CHD9: variants seen among roughly 807,000 people sequenced by gnomAD.
CHD9 encodes ATP-dependent chromatin remodeler CHD9.
In CHD9, 77 loss-of-function variants were observed where a neutral mutation model predicts 316.1. The ratio of observed to expected loss-of-function variants is 0.24; its 90% CI spans 0.20 to 0.29. The LOEUF (loss-of-function observed/expected upper bound fraction) is 0.29, where lower values mean the gene tolerates loss of function less well. Among genes scored for constraint, CHD9 ranks in the 10% least tolerant of loss-of-function variants. The pLI is 1.00. For synonymous variants in CHD9, 1,129 were observed against 1,158.3 expected (o/e 0.97, Z 0.51); for missense variants, 2,763 against 3,438.1 (o/e 0.80, Z 4.91).
intron 1 of CHD9, among the ~76,000 whole-genome samples, chr16:53,072,393 C>G (rs1282739554): frequency 7.6e-6 from 1 of 131,064 alleles, no homozygotes; most frequent in Non-Finnish European, 1.6e-5. Flanking sequence ...AAATTTATCA[C>G]CATAACTTTT....
rs563098234 is a variant in CHD9, at chr16:53,327,493, C to T, written c.*2598C>T. The T allele has an allele frequency of 6.6e-6, 1 of 152,510 alleles. No individual in the cohort carries two copies. Among genetic ancestry groups the T allele is most frequent in the Non-Finnish European group, 1.5e-5 (1 of 67,970 alleles). 9.4% of individuals were successfully genotyped at this position (152,510 alleles called of 1,614,324 possible). ...ATTTTTTATTAAACATATTCTTTGA[C>T]TACCCATGATGTCAGCCTCTGTACA... On this transcript the variant is annotated 3_prime_UTR_variant, in exon 39 of 39. Transcript: ENST00000447540.
chr16:53,076,831 T>A (rs1015692043), intron 1 of CHD9, among the ~76,000 whole-genome samples: 10 of 81,118 alleles, frequency 1.2e-4, no homozygotes, highest in Admixed American at 2.8e-4. Flanking sequence ...ATTTAAAAAA[T>A]GTATTTATTT....
At chr16:53,121,879 ATT>A (rs2038756269) in intron 1 of CHD9, 1 of 152,696 alleles carries the variant, frequency 6.5e-6, no homozygotes, top group African/African-American at 2.4e-5. Context: ...TGTGGAGTTC[ATT>A]TTCACTTACT....
chr16:53,213,160 T>C (rs1387831282), intron 3 of CHD9, among the ~76,000 whole-genome samples: 1 of 152,224 alleles, frequency 6.6e-6, no homozygotes, highest in Admixed American at 6.5e-5. Context: ...TATTTTGACA[T>C]GACCATGCCT....
intron 20 of CHD9, among the ~76,000 whole-genome samples, chr16:53,266,847 TAA>T (rs1299478230): frequency 2.0e-5 from 3 of 152,226 alleles, no homozygotes; most frequent in Non-Finnish European, 2.9e-5. Flanking sequence ...AAAATATTCA[TAA>T]CCTTTGACCA....
At position 53,190,346 on chromosome 16, in the gene CHD9, A is replaced by G. The variant is rs557434158; in HGVS notation, c.1453-19136A>G. The stretch of plus-strand genomic sequence containing the variant: ...AAAAATTTTATAGTTTTGCTACCCA[A>G]TCCATTCAAGCTCATTTTCTGCTCG... On this transcript the variant is annotated intron_variant, in intron 2 of 38. Transcript: ENST00000447540. Among the ~76,000 whole-genome samples the G allele has an allele frequency of 8.5e-5, 13 of 152,188 alleles. No individual in the cohort carries two copies. The South Asian group carries it at 2.5e-3, about 29-fold the overall frequency.
At chr16:53,271,451 C>T (rs574954081) in intron 22 of CHD9, among the ~76,000 whole-genome samples, 3 of 152,056 alleles carry the variant, frequency 2.0e-5, no homozygotes, top group South Asian at 4.2e-4. Context: ...TGCCTGTAAT[C>T]CCAGCTACTT....
chr16:53,250,804 C>A, intron 17 of CHD9, among the ~76,000 whole-genome samples: 1 of 151,224 alleles, frequency 6.6e-6, no homozygotes. Context: ...AATTGCATTG[C>A]AATTCATATT....
rs764110577 is a variant in CHD9 at position 53,292,995 on chromosome 16, T to C, written c.5453T>C (p.Ile1818Thr). ...GTGCCTACCAGTGTAATGCAGCCTA[T>C]TTATGAGGAAGCCACTCTTAATCCT... ...FSVPTSVMQP[I>T]YEEATLNPKM... is the part of the protein sequence containing the mutation. Residue 1818 changes from isoleucine to threonine, a missense_variant, in exon 29 of 39, where the codon ATT becomes ACT. Around this residue, in one of 15 missense-constraint regions of CHD9, gnomAD observed 183 missense variants for 258.5 expected, o/e 0.71. Coordinates refer to ENST00000447540, the MANE Select transcript of CHD9 (RefSeq NM_001308319.2). The C allele has an allele frequency of 1.2e-6, 2 of 1,613,738 alleles. No individual in the cohort carries two copies. The highest frequency in any genetic ancestry group is 2.7e-5 in the African/African-American group (2 of 74,904).
At chr16:53,140,555 G>A (rs936548871) in intron 1 of CHD9, among the ~76,000 whole-genome samples, 3 of 152,160 alleles carry the variant, frequency 2.0e-5, no homozygotes, top group Admixed American at 6.5e-5. Flanking sequence ...CCCAAAATTC[G>A]TTACCCTCAA....
At chr16:53,159,006 A>T (rs1318928080) in intron 2 of CHD9, among the ~76,000 whole-genome samples, 1 of 152,100 alleles carries the variant, frequency 6.6e-6, no homozygotes, top group East Asian at 1.9e-4. Context: ...CAGTTATGTT[A>T]GCTTATGCCT....
intron 28 of CHD9, 59 bp downstream of exon 28, chr16:53,291,826 A>G (rs536149435): frequency 1.4e-5 from 15 of 1,039,716 alleles, no homozygotes; most frequent in African/African-American, 1.3e-4. Flanking sequence ...TAATCATACC[A>G]TGAGATCAGT....
intron 1 of CHD9, among the ~76,000 whole-genome samples, chr16:53,092,721 C>T (rs562973192): frequency 6.6e-6 from 1 of 152,194 alleles, no homozygotes; most frequent in Non-Finnish European, 1.5e-5. Context: ...ATTATTTCCT[C>T]ATTGGAAATT....
intron 1 of CHD9, among the ~76,000 whole-genome samples, chr16:53,093,087 A>G (rs1402394768): frequency 6.6e-6 from 1 of 152,198 alleles, no homozygotes; most frequent in Non-Finnish European, 1.5e-5. Flanking sequence ...CTGCATCTGC[A>G]CTTTAATATT....
At chr16:53,258,226 C>T (rs2050773897) in intron 19 of CHD9, among the ~76,000 whole-genome samples, 3 of 152,106 alleles carry the variant, frequency 2.0e-5, no homozygotes, top group South Asian at 2.1e-4. Context: ...TCATAATAAT[C>T]GTACTTGGCC....
At chr16:53,145,556 AT>A (rs2040504451) in intron 1 of CHD9, among the ~76,000 whole-genome samples, 1 of 151,640 alleles carries the variant, frequency 6.6e-6, no homozygotes, top group Non-Finnish European at 1.5e-5. Flanking sequence ...AAAATACAAA[AT>A]TAGCTGAGCG....
intron 1 of CHD9, among the ~76,000 whole-genome samples, chr16:53,154,530 G>C (rs146423032): frequency 6.6e-6 from 1 of 152,190 alleles, no homozygotes; most frequent in Non-Finnish European, 1.5e-5. Context: ...CCAGGGACCG[G>C]TTTCGTGGAT....
chr16:53,310,904 G>A (rs571511363), intron 34 of CHD9: 3 of 146,510 alleles, frequency 2.0e-5, no homozygotes, highest in South Asian at 2.2e-4. Flanking sequence ...AATAGTAATT[G>A]TGCCAAGCGT....
At chr16:53,319,793 C>A in intron 37 of CHD9, 1 of 1,238,966 alleles carries the variant, frequency 8.1e-7, no homozygotes, top group Non-Finnish European at 1.0e-6. Flanking sequence ...TTCTAATTGT[C>A]TTGAGTCTCT....
Sources: allele counts gnomAD v4.1 joint callset (sites outside exome capture counted in the v4.1 genomes callset), GRCh38; gene constraint gnomAD v4.1.1; regional missense constraint gnomAD v4.1.1; transcripts MANE v1.5; gene names NCBI Gene and HGNC (gene_info 2026-07-23, HGNC 2026-07-21).